TTC7B: variants seen among roughly 807,000 people sequenced by gnomAD.
TTC7B encodes tetratricopeptide repeat protein 7B.
In TTC7B, 28 loss-of-function variants were observed where a neutral mutation model predicts 106.8. The ratio of observed to expected loss-of-function variants is 0.26; its 90% CI spans 0.19 to 0.36. The LOEUF is 0.36. TTC7B is among the 10% of genes least tolerant of loss of function. The probability of loss-of-function intolerance (pLI) is 1.00; values close to 1 mark genes in which losing one functional copy is unlikely to be tolerated. For missense variants in TTC7B, 862 were observed against 1,076.4 expected (o/e 0.80, Z 2.79); for synonymous variants, 405 against 430.6 (o/e 0.94, Z 0.74).
chr14:90,623,322 A>C (rs1884292030), intron 15 of TTC7B, among the ~76,000 whole-genome samples: 2 of 152,210 alleles, frequency 1.3e-5, no homozygotes, highest in Non-Finnish European at 2.9e-5. Context: ...GGCTGAGTTA[A>C]GTAATTTGCC....
At chr14:90,679,118 G>A (rs1886948859) in intron 8 of TTC7B, among the ~76,000 whole-genome samples, 1 of 152,174 alleles carries the variant, frequency 6.6e-6, no homozygotes. Flanking sequence ...ACCAAGGCAA[G>A]TAGAGAATGT....
rs759687520 is a variant in TTC7B, at chr14:90,541,537, C to T, written c.2363G>A (p.Arg788Gln). Residue 788 changes from arginine (R) to glutamine (Q), a missense_variant, in exon 20 of 20, where the codon CGG (arginine) becomes CAG (glutamine). Coordinates refer to ENST00000328459, the MANE Select transcript of TTC7B (RefSeq NM_001010854.2). ...GRYSLAEKIL[R>Q]DAVQVNSTAH... ...TGTCGAGTTCACCTGCACCGCGTCC[C>T]GGAGGATCTTCTCCGCCAGACTGTA... The T allele has an allele frequency of 2.8e-5, 45 of 1,612,204 alleles. No individual in the cohort carries two copies. Among genetic ancestry groups the T allele is most frequent in the Middle Eastern group, 1.6e-4 (1 of 6,082 alleles).
intron 3 of TTC7B, among the ~76,000 whole-genome samples, chr14:90,749,515 C>T (rs1890073625): frequency 6.6e-6 from 1 of 150,984 alleles, no homozygotes; most frequent in Admixed American, 6.6e-5. Flanking sequence ...AAGTGATTCT[C>T]CTGCTTCAGC....
chr14:90,544,121 G>A (rs1432230376), intron 19 of TTC7B, among the ~76,000 whole-genome samples: 2 of 152,214 alleles, frequency 1.3e-5, no homozygotes, highest in Admixed American at 1.3e-4. Flanking sequence ...CCCAGCTCTG[G>A]GAGGAAGAGG....
intron 19 of TTC7B, among the ~76,000 whole-genome samples, chr14:90,560,335 G>C (rs1380560468): frequency 2.0e-5 from 3 of 152,220 alleles, no homozygotes; most frequent in Non-Finnish European, 4.4e-5. Context: ...GGACATACTG[G>C]CATCAGCTGC....
intron 16 of TTC7B, among the ~76,000 whole-genome samples, chr14:90,612,066 T>G (rs553104577): frequency 2.7e-4 from 41 of 152,302 alleles, no homozygotes; most frequent in African/African-American, 9.9e-4. Context: ...TGAAACTTAA[T>G]ACAGTTTACA....
intron 8 of TTC7B, among the ~76,000 whole-genome samples, chr14:90,678,284 T>C (rs937022845): frequency 1.3e-5 from 2 of 152,206 alleles, no homozygotes; most frequent in Non-Finnish European, 2.9e-5. Flanking sequence ...GAAACTAATT[T>C]GATTTGTAGT....
At chr14:90,660,353 A>G (rs1312996294) in intron 9 of TTC7B, among the ~76,000 whole-genome samples, 2 of 135,784 alleles carry the variant, frequency 1.5e-5, no homozygotes, top group East Asian at 4.5e-4. Flanking sequence ...TCGTCGTACC[A>G]CTGCATTCCA....
At chr14:90,630,499 T>C (rs11623679) in intron 15 of TTC7B, among the ~76,000 whole-genome samples, 32,555 of 152,232 alleles carry the variant, frequency 0.21, 4,288 homozygotes, top group Admixed American at 0.29. Context: ...ATACGTAACA[T>C]AAAATTTGCT....
rs569371424 is a variant in TTC7B at position 90,784,886 on chromosome 14, A to G, written c.276+1288T>C. Among the ~76,000 whole-genome samples the G allele has an allele frequency of 3.3e-5, 5 of 152,278 alleles. No individual in the cohort carries two copies. In the South Asian group the frequency reaches 8.3e-4, roughly 25 times the overall value. The stretch of plus-strand genomic sequence containing the variant: ...TCCCGTGCATACAACATACACAGAG[A>G]CAATTTTGAAAGCAGCTCTCTATCA... On this transcript the variant is annotated intron_variant, in intron 2 of 19. Transcript: ENST00000328459.
In TTC7B at chr14:90,530,792, C is replaced by A. The variant is rs1275063679; in HGVS notation, c.*10576G>T. The A allele has an allele frequency of 6.6e-6, 1 of 152,100 alleles. No homozygotes were observed. The highest frequency in any genetic ancestry group is 2.4e-5 in the African/African-American group (1 of 41,404). The allele number at this position is 152,100 out of a possible 1,614,324, so 9.4% of individuals were successfully genotyped here. ...CACCTTGCCTTTTGCCCCATGAGGC[C>A]CGTTTTAGACTTCTGACCCCCAGAA... is the stretch of plus-strand genomic sequence containing the variant. On this transcript the variant is annotated 3_prime_UTR_variant, in exon 20 of 20. Transcript: ENST00000328459.
chr14:90,723,155 C>T (rs541035251), intron 5 of TTC7B, among the ~76,000 whole-genome samples: 33 of 152,316 alleles, frequency 2.2e-4, no homozygotes, highest in Middle Eastern at 3.4e-3. Flanking sequence ...CTTGTCTCCA[C>T]GCATCTAACC....
intron 17 of TTC7B, among the ~76,000 whole-genome samples, chr14:90,609,169 G>T (rs1892776764): frequency 6.6e-6 from 1 of 152,190 alleles, no homozygotes; most frequent in African/African-American, 2.4e-5. Flanking sequence ...TCTCTGCCTG[G>T]TGTGCAGTCT....
At chr14:90,621,157 A>G (rs1884148382) in intron 15 of TTC7B, among the ~76,000 whole-genome samples, 1 of 152,006 alleles carries the variant, frequency 6.6e-6, no homozygotes, top group Admixed American at 6.6e-5. Flanking sequence ...CGATAGGCAG[A>G]AGCCACATGG....
chr14:90,678,804 C>T (rs1427154824), intron 8 of TTC7B, among the ~76,000 whole-genome samples: 1 of 152,166 alleles, frequency 6.6e-6, no homozygotes, highest in East Asian at 1.9e-4. Context: ...AGAGAGGTGG[C>T]CATGTTTTCC....
In TTC7B at chr14:90,780,886, G is replaced by A. The variant is rs201435454; in HGVS notation, c.297C>T (p.Ser99=). Residue 99 remains serine, a synonymous_variant, in exon 3 of 20, where the codon TCC becomes TCT. Transcript: ENST00000328459. The part of the protein sequence containing the change: ...GNLKSEFLQE[S]NLIMAKLNYV... ...AATTCAACTTGGCCATGATCAGATTGGATTCTTGTAGGAATTCTGACTAGA... is the reference window on the plus strand; with the variant it reads ...AATTCAACTTGGCCATGATCAGATTAGATTCTTGTAGGAATTCTGACTAGA... 4.3e-6 allele frequency: 7 copies of A among 1,614,168 alleles called. No homozygotes were observed. In the South Asian group the frequency reaches 6.6e-5, roughly 15 times the overall value.
intron 8 of TTC7B, among the ~76,000 whole-genome samples, chr14:90,679,968 G>T (rs1361504122): frequency 1.3e-5 from 2 of 152,220 alleles, no homozygotes; most frequent in African/African-American, 4.8e-5. Context: ...CCAGGAGCTG[G>T]AAGAGACAAC....
At chr14:90,740,494 C>CTTTTTTTTTT (rs71461924) in intron 4 of TTC7B, among the ~76,000 whole-genome samples, 2 of 78,314 alleles carry the variant, frequency 2.6e-5, no homozygotes, top group African/African-American at 4.9e-5. Context: ...AATTCTTTGA[C>CTTTTTTTTTT]TTTTTTTTTT....
chr14:90,565,798 C>T (rs1368247685), intron 19 of TTC7B, among the ~76,000 whole-genome samples: 2 of 152,056 alleles, frequency 1.3e-5, no homozygotes, highest in East Asian at 1.9e-4. Flanking sequence ...ATCCTCATTT[C>T]AATATTACTG....
Sources: gnomAD v4.1 joint callset for allele counts (sites outside exome capture counted in the v4.1 genomes callset) on GRCh38, gnomAD v4.1.1 for gene constraint, MANE v1.5 for transcripts, NCBI Gene and HGNC (gene_info 2026-07-23, HGNC 2026-07-21) for gene names.